RNF41: variants seen among roughly 807,000 people sequenced by gnomAD.
The protein encoded by RNF41 is ring finger protein 41.
A neutral mutation model predicts 33.0 loss-of-function variants in RNF41; 4 were observed. The observed-to-expected ratio is 0.12, with a 90% CI of 0.06 to 0.28. The LOEUF is 0.28. RNF41 is among the 10% of genes least tolerant of loss of function. The pLI, the probability that RNF41 is intolerant of heterozygous loss-of-function variation, is 1.00. For missense variants in RNF41, 228 were observed against 432.6 expected, an observed-to-expected ratio of 0.53 and a Z score of 4.19; for synonymous variants, 164 against 153.2, an observed-to-expected ratio of 1.07 and a Z score of -0.52.
Position 56,208,321 on chromosome 12 carries a change from A to G in RNF41, c.363-23T>C, listed in dbSNP as rs763070166. On this transcript the variant is annotated intron_variant, in intron 4 of 6. Transcript: ENST00000345093. ...AGGCTGCAGACCAGGGTGGGGAAAG[A>G]GCAGAACAGAGGTGATCCCTGGGAC... The G allele has an allele frequency of 8.7e-6, 14 of 1,613,616 alleles. No homozygotes were observed. The South Asian group carries it at 1.5e-4, about 18-fold the overall frequency.
chr12:56,211,517 C>A (rs535160448), intron 3 of RNF41, among the ~76,000 whole-genome samples: 1 of 151,966 alleles, frequency 6.6e-6, no homozygotes, highest in Non-Finnish European at 1.5e-5. Context: ...ATTGCATACA[C>A]AATAATTGCC....
intron 1 of RNF41, among the ~76,000 whole-genome samples, chr12:56,218,948 C>A (rs540695338): frequency 6.7e-6 from 1 of 149,812 alleles, no homozygotes; most frequent in Non-Finnish European, 1.5e-5. Flanking sequence ...GTGATCCGCC[C>A]GCCTCGGCCT....
rs1204546116 is a variant in RNF41 at position 56,214,042 on chromosome 12, C to A, written c.6G>T (p.Gly2=). The change falls in exon 3 of 7, where the codon GGG becomes GGT. Residue 2 remains glycine, a synonymous_variant. Transcript: ENST00000345093. ...CCCCCTGGAAACGGGTTACATCATA[C>A]CCCATGTCTCATCACTGAAACCCAG... M[G]YDVTRFQGDV... is the part of the protein sequence containing the mutation. The A allele has an allele frequency of 6.2e-7, 1 of 1,611,710 alleles. No homozygotes were observed. Among genetic ancestry groups the A allele is most frequent in the South Asian group, 1.1e-5 (1 of 91,040 alleles).
chr12:56,209,545 C>T (rs550175016), intron 4 of RNF41, among the ~76,000 whole-genome samples: 3 of 152,072 alleles, frequency 2.0e-5, no homozygotes, highest in East Asian at 1.9e-4. Context: ...GCAAGCTCCC[C>T]GTCCCAGGTT....
At chr12:56,211,029 A>T (rs1272994952) in intron 3 of RNF41, among the ~76,000 whole-genome samples, 4 of 152,150 alleles carry the variant, frequency 2.6e-5, no homozygotes, top group Non-Finnish European at 1.5e-5. Flanking sequence ...TACTAAAAAT[A>T]AAAAAATTAG....
chr12:56,206,310 G>A lies in RNF41; in HGVS notation c.*137C>T. The A allele has an allele frequency of 1.3e-6, 1 of 788,326 alleles. No individual in the cohort carries two copies. Among genetic ancestry groups the A allele is most frequent in the Non-Finnish European group, 2.1e-6 (1 of 486,908 alleles). The allele number at this position is 788,326 out of a possible 1,614,324, so 48.8% of individuals were successfully genotyped here. ...GAGCAAACTACCCCAAGGCCCTTCA[G>A]TGCCAGAAGGGCAGGGAGATGTGTG... On this transcript the variant is annotated 3_prime_UTR_variant, in exon 7 of 7. Coordinates refer to ENST00000345093, the MANE Select transcript of RNF41 (RefSeq NM_005785.4). This position sits in a 1 kb window ranked among gnomAD's most constrained non-coding sequence, Gnocchi z 5.7.
chr12:56,211,711 G>C (rs935523649), intron 3 of RNF41, among the ~76,000 whole-genome samples: 1 of 152,132 alleles, frequency 6.6e-6, no homozygotes, highest in Non-Finnish European at 1.5e-5. Context: ...GGTGGATGGC[G>C]CCTGTAATCC....
rs1278019711 is a variant in RNF41, at chr12:56,206,425, C to A, written c.*22G>T. ...TGGGATTTTCTGATTTCCATCTCTT[C>A]CTGATAGCCAGTCGAGTTCTCTTAT... is the stretch of plus-strand genomic sequence containing the variant. On this transcript the variant is annotated 3_prime_UTR_variant, in exon 7 of 7. Coordinates refer to ENST00000345093, the MANE Select transcript of RNF41 (RefSeq NM_005785.4). This position sits in a 1 kb window ranked among gnomAD's most constrained non-coding sequence, Gnocchi z 5.7. 1 of 1,575,948 alleles carries A rather than the reference C, an allele frequency of 6.3e-7. No homozygotes were observed. The highest frequency in any genetic ancestry group is 8.7e-7 in the Non-Finnish European group (1 of 1,155,984).
chr12:56,205,567 AGAG>A lies in RNF41; in HGVS notation c.*877_*879del, dbSNP rs1035988046. 9 of 132,088 alleles carry A rather than the reference AGAG, an allele frequency of 6.8e-5. No individual in the cohort carries two copies. Among genetic ancestry groups the A allele is most frequent in the Middle Eastern group, 3.7e-3 (1 of 272 alleles). The allele number at this position is 132,088 out of a possible 1,614,324, so 8.2% of individuals were successfully genotyped here. A position where few individuals can be genotyped will look rare whatever the true frequency, so the allele number is the denominator to read the frequency against. ...CATGATCAGGCCATTCTTAAAAAAA[AGAG>A]GGGGGGGGGCAGTAGGTGGAGTTTG... On this transcript the variant is annotated 3_prime_UTR_variant, in exon 7 of 7. Coordinates refer to ENST00000345093, the MANE Select transcript of RNF41 (RefSeq NM_005785.4).
rs947561388 is a variant in RNF41, at chr12:56,210,039, G to T, written c.362+258C>A. On this transcript the variant is annotated intron_variant, in intron 4 of 6. Coordinates refer to ENST00000345093, the MANE Select transcript of RNF41 (RefSeq NM_005785.4). ...AGTATTGGACTGAAAGGGAAGAATA[G>T]AGTCAATCAAGCTTTAATGTTATTA... 5 of 509,024 alleles carry T rather than the reference G, an allele frequency of 9.8e-6. No homozygotes were observed. The Admixed American group carries it at 1.6e-4, about 16-fold the overall frequency. 31.5% of individuals were successfully genotyped at this position (509,024 alleles called of 1,614,324 possible).
At chr12:56,218,075 T>C (rs1357231613) in intron 1 of RNF41, among the ~76,000 whole-genome samples, 1 of 152,044 alleles carries the variant, frequency 6.6e-6, no homozygotes, top group Non-Finnish European at 1.5e-5. Context: ...TACCTCAGCC[T>C]CCAGAGTAGC....
chr12:56,204,789 A>AC lies in RNF41; in HGVS notation c.*1657dup, dbSNP rs1283522726. 1.3e-5 allele frequency: 2 copies of AC among 152,530 alleles called. No homozygotes were observed. Among genetic ancestry groups the AC allele is most frequent in the African/African-American group, 4.8e-5 (2 of 41,378 alleles). 9.4% of individuals were successfully genotyped at this position (152,530 alleles called of 1,614,324 possible). A position where few individuals can be genotyped will look rare whatever the true frequency, so the allele number is the denominator to read the frequency against. ...GAACCCTACTCCCCTCAAGCTTTCC[A>AC]CCCCAATCCCAGTGGAGCCATGATC... On this transcript the variant is annotated 3_prime_UTR_variant, in exon 7 of 7. Coordinates refer to ENST00000345093, the MANE Select transcript of RNF41 (RefSeq NM_005785.4).
Position 56,206,291 on chromosome 12 carries a change from A to C in RNF41, c.*156T>G. On this transcript the variant is annotated 3_prime_UTR_variant, in exon 7 of 7. Transcript: ENST00000345093. The surrounding 1 kb of genome is among the most constrained non-coding windows in gnomAD (Gnocchi z 5.7). Reference sequence around the variant, plus strand: ...GTTTCCCACCTGAAAGGCTGAGCAAACTACCCCAAGGCCCTTCAGTGCCAG... The same window carrying C: ...GTTTCCCACCTGAAAGGCTGAGCAACCTACCCCAAGGCCCTTCAGTGCCAG... 1.6e-5 allele frequency: 11 copies of C among 683,974 alleles called. No homozygotes were observed. The highest frequency in any genetic ancestry group is 2.5e-5 in the Non-Finnish European group (10 of 402,142). 42.4% of individuals were successfully genotyped at this position (683,974 alleles called of 1,614,324 possible). A position where few individuals can be genotyped will look rare whatever the true frequency, so the allele number is the denominator to read the frequency against.
chr12:56,213,920 C>T, intron 3 of RNF41, 38 bp downstream of exon 3: 2 of 1,316,626 alleles, frequency 1.5e-6, no homozygotes, highest in East Asian at 2.3e-5. Flanking sequence ...TCCACTGCTA[C>T]CTGTTGCCCC....
At chr12:56,221,437 C>T (rs1869423649) in intron 1 of RNF41, among the ~76,000 whole-genome samples, 1 of 152,096 alleles carries the variant, frequency 6.6e-6, no homozygotes, top group African/African-American at 2.4e-5. Context: ...CCCTTCTGGC[C>T]CGTCAATCAT....
chr12:56,212,701 T>G lies in RNF41; in HGVS notation c.90+1257A>C, dbSNP rs116951219. Among the ~76,000 whole-genome samples the G allele has an allele frequency of 3.7e-4, 57 of 152,192 alleles. No individual in the cohort carries two copies. The East Asian group carries it at 0.011, about 29-fold the overall frequency. ...AGACAGGTCCAGAGTTGGTTGCCATTGGAATGCAGTCTGAATTTTATTCAG... is the reference window on the plus strand; with the variant it reads ...AGACAGGTCCAGAGTTGGTTGCCATGGGAATGCAGTCTGAATTTTATTCAG... On this transcript the variant is annotated intron_variant, in intron 3 of 6. Coordinates refer to ENST00000345093, the MANE Select transcript of RNF41 (RefSeq NM_005785.4).
intron 1 of RNF41, 36 bp downstream of exon 1, chr12:56,221,724 C>T (rs774897383): frequency 2.0e-5 from 3 of 152,406 alleles, no homozygotes; most frequent in Admixed American, 6.5e-5. Context: ...CCCACACCCT[C>T]TTTTAGGTGG....
Position 56,206,412 on chromosome 12 carries a change from A to C in RNF41, c.*35T>G. 1 of 1,551,216 alleles carries C rather than the reference A, an allele frequency of 6.4e-7. No individual in the cohort carries two copies. Among genetic ancestry groups the C allele is most frequent in the Non-Finnish European group, 8.8e-7 (1 of 1,139,248 alleles). On this transcript the variant is annotated 3_prime_UTR_variant, in exon 7 of 7. Transcript: ENST00000345093. The surrounding 1 kb of genome is among the most constrained non-coding windows in gnomAD (Gnocchi z 5.7). ...GCTGCTGGAGTGATGGGATTTTCTG[A>C]TTTCCATCTCTTCCTGATAGCCAGT...
In RNF41 at chr12:56,206,115, T is replaced by C. The variant is rs1868260999; in HGVS notation, c.*332A>G. On this transcript the variant is annotated 3_prime_UTR_variant, in exon 7 of 7. Coordinates refer to ENST00000345093, the MANE Select transcript of RNF41 (RefSeq NM_005785.4). This position sits in a 1 kb window ranked among gnomAD's most constrained non-coding sequence, Gnocchi z 5.7. The stretch of plus-strand genomic sequence containing the variant: ...TTAGAGATTCCTTCCTCTGTCCTGA[T>C]CCTCCAGGGAAATTGAATCTCTTTG... 1.5e-5 allele frequency: 4 copies of C among 273,312 alleles called. No individual in the cohort carries two copies. In the South Asian group the frequency reaches 2.2e-4, roughly 15 times the overall value. The allele number at this position is 273,312 out of a possible 1,614,324, so 16.9% of individuals were successfully genotyped here. A position where few individuals can be genotyped will look rare whatever the true frequency, so the allele number is the denominator to read the frequency against.
Sources: gnomAD v4.1 joint callset for allele counts (sites outside exome capture counted in the v4.1 genomes callset) on GRCh38, gnomAD v4.1.1 for gene constraint, Gnocchi (gnomAD v3.1) non-coding constraint, MANE v1.5 for transcripts, NCBI Gene and HGNC (gene_info 2026-07-23, HGNC 2026-07-21) for gene names.